Variants in SLC35D4 observed in about 807,000 individuals in gnomAD.
The protein encoded by SLC35D4 is solute carrier family 35 member D4, also known as UDP-N-acetylglucosamine transporter SLC35D4.
the SLC35D4 span, among the ~76,000 whole-genome samples, chr18:23,326,214 A>C: frequency 6.6e-6 from 1 of 152,128 alleles, no homozygotes; most frequent in Admixed American, 6.5e-5. Context: ...AATAACCTTA[A>C]ATGTAAATGG....
the SLC35D4 span, chr18:23,297,141 A>G: frequency 6.6e-6 from 1 of 152,254 alleles, no homozygotes. Context: ...GTGTGAGGTA[A>G]TGCATTTGTG....
chr18:23,305,228 C>T, the SLC35D4 span, among the ~76,000 whole-genome samples: 21 of 152,316 alleles, frequency 1.4e-4, no homozygotes, highest in South Asian at 1.2e-3. Flanking sequence ...TCCTGGGTGA[C>T]GCTCTGTTTG....
the SLC35D4 span, among the ~76,000 whole-genome samples, chr18:23,404,784 G>A: frequency 1.4e-4 from 21 of 149,964 alleles, no homozygotes; most frequent in African/African-American, 4.7e-4. Context: ...TAAAGAGATC[G>A]AGACCATCCT....
the SLC35D4 span, among the ~76,000 whole-genome samples, chr18:23,245,821 C>G: frequency 6.6e-6 from 1 of 152,242 alleles, no homozygotes; most frequent in Admixed American, 6.5e-5. Flanking sequence ...AGTGACCTCT[C>G]GCTCCATGAG....
chr18:23,393,017 GC>G, the SLC35D4 span, among the ~76,000 whole-genome samples: 2 of 152,130 alleles, frequency 1.3e-5, no homozygotes, highest in Admixed American at 1.3e-4. Context: ...CCGGGTTCAA[GC>G]GATTCTTCTG....
chr18:23,288,559 C>A, the SLC35D4 span, among the ~76,000 whole-genome samples: 6 of 151,738 alleles, frequency 4.0e-5, no homozygotes, highest in Middle Eastern at 3.4e-3. Context: ...TTTGCCCCCC[C>A]GCCCCAGGAC....
At chr18:23,285,758 A>G in the SLC35D4 span, among the ~76,000 whole-genome samples, 2 of 151,806 alleles carry the variant, frequency 1.3e-5, no homozygotes, top group Admixed American at 6.6e-5. Context: ...TCTCCACCCT[A>G]TAATCCTTTT....
the SLC35D4 span, among the ~76,000 whole-genome samples, chr18:23,388,311 A>G: frequency 1.3e-5 from 2 of 152,248 alleles, no homozygotes; most frequent in Non-Finnish European, 2.9e-5. Flanking sequence ...AATGTGTTAA[A>G]CATAGTGCTA....
chr18:23,310,726 G>A, the SLC35D4 span, among the ~76,000 whole-genome samples: 2 of 152,044 alleles, frequency 1.3e-5, no homozygotes, highest in Non-Finnish European at 1.5e-5. Flanking sequence ...GCAGAAGGAA[G>A]GAGTATGTTT....
the SLC35D4 span, among the ~76,000 whole-genome samples, chr18:23,344,701 A>G: frequency 1.4e-5 from 2 of 147,856 alleles, no homozygotes; most frequent in Admixed American, 1.4e-4. Context: ...TCCTGGGTTC[A>G]TGCCATTTTC....
At chr18:23,299,637 G>A in the SLC35D4 span, among the ~76,000 whole-genome samples, 2 of 152,286 alleles carry the variant, frequency 1.3e-5, no homozygotes, top group South Asian at 2.1e-4. Context: ...GCTGCTCTCC[G>A]GAGCAAGAGA....
the SLC35D4 span, among the ~76,000 whole-genome samples, chr18:23,309,148 C>T: frequency 1.2e-4 from 18 of 151,074 alleles, no homozygotes; most frequent in African/African-American, 4.1e-4. Context: ...ACAGATGCAA[C>T]CATTGCAGGC....
the SLC35D4 span, among the ~76,000 whole-genome samples, chr18:23,403,762 C>T: frequency 7.2e-5 from 11 of 152,138 alleles, no homozygotes; most frequent in Admixed American, 7.2e-4. Flanking sequence ...GCAGAGATAT[C>T]AAGTAGGCAA....
chr18:23,298,682 C>G, the SLC35D4 span, among the ~76,000 whole-genome samples: 1 of 152,130 alleles, frequency 6.6e-6, no homozygotes, highest in Non-Finnish European at 1.5e-5. Context: ...AGCCAAAGTC[C>G]TCTCCACTTT....
the SLC35D4 span, among the ~76,000 whole-genome samples, chr18:23,245,756 GC>G: frequency 2.0e-5 from 3 of 152,234 alleles, no homozygotes; most frequent in African/African-American, 7.2e-5. Context: ...CCTGTACGCA[GC>G]TGTGCACACA....
chr18:23,320,269 C>T, the SLC35D4 span, among the ~76,000 whole-genome samples: 1 of 152,194 alleles, frequency 6.6e-6, no homozygotes, highest in Non-Finnish European at 1.5e-5. Context: ...AATCCTGCTA[C>T]ATCGTGCCCA....
chr18:23,387,717 A>C, the SLC35D4 span, among the ~76,000 whole-genome samples: 2 of 151,634 alleles, frequency 1.3e-5, no homozygotes, highest in African/African-American at 4.9e-5. Flanking sequence ...CTTGCCTTAC[A>C]TTTTTCTTAC....
At chr18:23,263,242 C>T in the SLC35D4 span, among the ~76,000 whole-genome samples, 1 of 152,232 alleles carries the variant, frequency 6.6e-6, no homozygotes, top group South Asian at 2.1e-4. Flanking sequence ...AGGGCCAAAG[C>T]GAGGCTGAGC....
At chr18:23,321,187 G>A in the SLC35D4 span, among the ~76,000 whole-genome samples, 1 of 152,184 alleles carries the variant, frequency 6.6e-6, no homozygotes, top group East Asian at 1.9e-4. Flanking sequence ...GTATAGCTAG[G>A]AAGGGTTCTT....
Sources: gnomAD v4.1 joint callset for allele counts (sites outside exome capture counted in the v4.1 genomes callset) on GRCh38, gnomAD v4.1.1 for gene constraint, MANE v1.5 for transcripts, NCBI Gene and HGNC (gene_info 2026-07-23, HGNC 2026-07-21) for gene names.